WASHC4: variants seen among roughly 807,000 people sequenced by gnomAD.
WASHC4 encodes WASH complex subunit 7.
In WASHC4, 86 loss-of-function variants were observed where a neutral mutation model predicts 166.6. The ratio of observed to expected loss-of-function variants is 0.52; its 90% confidence interval spans 0.43 to 0.62. The LOEUF is 0.62. Among genes scored for constraint, WASHC4 ranks in the 20% least tolerant of loss-of-function variants. WASHC4 has a pLI of 0.00. For missense variants in WASHC4, 1,262 were observed against 1,382.4 expected, an observed-to-expected ratio of 0.91 and a Z score of 1.38; for synonymous variants, 446 against 451.6, an observed-to-expected ratio of 0.99 and a Z score of 0.16.
intron 13 of WASHC4, among the ~76,000 whole-genome samples, chr12:105,131,100 G>A (rs1212711503): frequency 2.0e-5 from 3 of 146,650 alleles, no homozygotes; most frequent in Admixed American, 6.8e-5. Context: ...TTTTTTTTGA[G>A]ACGGAGTCTC....
At chr12:105,129,165 C>T (rs1022384614) in intron 13 of WASHC4, among the ~76,000 whole-genome samples, 8 of 152,060 alleles carry the variant, frequency 5.3e-5, no homozygotes, top group Non-Finnish European at 7.4e-5. Flanking sequence ...AGGCTGGTCT[C>T]GAACTCCTGA....
At chr12:105,162,600 A>T in intron 29 of WASHC4, 149 bp from the exon 30 acceptor site, 1 of 579,702 alleles carries the variant, frequency 1.7e-6, no homozygotes, top group Non-Finnish European at 3.1e-6. Flanking sequence ...ACCTAAGGCA[A>T]ATGTTTCAGA....
intron 6 of WASHC4, among the ~76,000 whole-genome samples, chr12:105,116,825 A>G (rs1651996290): frequency 6.6e-6 from 1 of 152,206 alleles, no homozygotes; most frequent in Admixed American, 6.5e-5. Flanking sequence ...TGTAGTCCAA[A>G]GGAAACAGAT....
In WASHC4 at chr12:105,113,195, A is replaced by G. The variant is rs543820497; in HGVS notation, c.202-1021A>G. On this transcript the variant is annotated intron_variant, in intron 2 of 32. Transcript: ENST00000332180. ...TATCTCTGAGGGTAATAAGTTTCAT[A>G]TATCTGTCACTTGGCATTAAGTAAT... Among the ~76,000 whole-genome samples, 24 of 152,188 alleles carry G rather than the reference A, an allele frequency of 1.6e-4. No individual in the cohort carries two copies. In the South Asian group the frequency reaches 3.3e-3, roughly 21 times the overall value.
Position 105,165,368 on chromosome 12 carries a change from G to A in WASHC4, c.3454+628G>A, listed in dbSNP as rs148808304. Reference sequence around the variant, plus strand: ...CATTGTTCAGTGTTTCATATTTAATGTCCCCATGATATATTTCTCTCAGAT... The same window carrying A: ...CATTGTTCAGTGTTTCATATTTAATATCCCCATGATATATTTCTCTCAGAT... On this transcript the variant is annotated intron_variant, in intron 32 of 32. Coordinates refer to ENST00000332180, the MANE Select transcript of WASHC4 (RefSeq NM_015275.3). Among the ~76,000 whole-genome samples the A allele has an allele frequency of 1.3e-3, 196 of 152,256 alleles. 1 individual carries two copies. The highest frequency in any genetic ancestry group is 4.0e-3 in the African/African-American group (167 of 41,558).
rs1278694912 is a variant in WASHC4 at position 105,125,713 on chromosome 12, A to G, written c.787-291A>G. Among the ~76,000 whole-genome samples, 5 of 152,266 alleles carry G rather than the reference A, an allele frequency of 3.3e-5. No homozygotes were observed. The East Asian group carries it at 9.6e-4, about 29-fold the overall frequency. On this transcript the variant is annotated intron_variant, in intron 10 of 32. Coordinates refer to ENST00000332180, the MANE Select transcript of WASHC4 (RefSeq NM_015275.3). ...CAAAGTAAAATAAAAAATATGCTTT[A>G]TCTTTTATACATCTCTGAACATCGT... is the stretch of plus-strand genomic sequence containing the variant.
intron 24 of WASHC4, chr12:105,149,304 TAG>T (rs2135813556): frequency 1.0e-6 from 1 of 985,428 alleles, no homozygotes; most frequent in African/African-American, 1.7e-5. Context: ...GCTTAAAAAC[TAG>T]AGTCTTGAGT....
At chr12:105,126,410 G>A in intron 12 of WASHC4, 48 bp downstream of exon 12, 11 of 1,398,284 alleles carry the variant, frequency 7.9e-6, no homozygotes, top group Non-Finnish European at 1.1e-5. Flanking sequence ...TAAAAAGATT[G>A]CAGATAAAAC....
intron 31 of WASHC4, 21 bp downstream of exon 31, chr12:105,164,328 C>T (rs778142637): frequency 6.3e-7 from 1 of 1,598,184 alleles, no homozygotes; most frequent in South Asian, 1.1e-5. Context: ...GCCTAAGAGT[C>T]ACATCTGCTT....
At chr12:105,137,822 AATAG>A in intron 14 of WASHC4, 60 bp from the exon 15 acceptor site, 3 of 1,401,920 alleles carry the variant, frequency 2.1e-6, no homozygotes, top group Non-Finnish European at 2.0e-6. Flanking sequence ...GCTGCTGTTA[AATAG>A]ATAATGAAAT....
chr12:105,120,851 G>A (rs1314846280), intron 8 of WASHC4, among the ~76,000 whole-genome samples: 1 of 152,174 alleles, frequency 6.6e-6, no homozygotes, highest in Admixed American at 6.5e-5. Flanking sequence ...TCTTTGGACA[G>A]TGAAATAAAT....
chr12:105,127,350 A>G (rs945827718), intron 13 of WASHC4, 61 bp downstream of exon 13: 10 of 1,151,952 alleles, frequency 8.7e-6, no homozygotes, highest in Non-Finnish European at 1.3e-5. Flanking sequence ...CAAAGATTAT[A>G]CTAACACTTA....
chr12:105,128,789 T>G (rs1881524101), intron 13 of WASHC4, among the ~76,000 whole-genome samples: 1 of 152,038 alleles, frequency 6.6e-6, no homozygotes, highest in South Asian at 2.1e-4. Context: ...TTTTTTGATT[T>G]TTTTTTAGAG....
chr12:105,124,159 G>A (rs1360834465), intron 10 of WASHC4, among the ~76,000 whole-genome samples: 1 of 128,724 alleles, frequency 7.8e-6, no homozygotes, highest in Non-Finnish European at 1.6e-5. Flanking sequence ...CACTCTTGTT[G>A]CCCAGGCTGG....
At chr12:105,129,948 T>C (rs1881647456) in intron 13 of WASHC4, among the ~76,000 whole-genome samples, 1 of 152,206 alleles carries the variant, frequency 6.6e-6, no homozygotes. Flanking sequence ...ATGTAACAAT[T>C]AATGTTTATG....
At position 105,126,323 on chromosome 12, in the gene WASHC4, T is replaced by TA; in HGVS notation, c.1004dup (p.Phe336ValfsTer3). The TA allele has an allele frequency of 6.3e-7, 1 of 1,597,576 alleles. No individual in the cohort carries two copies. The highest frequency in any genetic ancestry group is 8.6e-7 in the Non-Finnish European group (1 of 1,166,008). ...ACTTTCAGATTTTTCGAACTATTGA[T>TA]AAAAAGTTTTATAAGTCTTTATTGG... On this transcript the variant is annotated frameshift_variant, in exon 12 of 33. Coordinates refer to ENST00000332180, the MANE Select transcript of WASHC4 (RefSeq NM_015275.3). LOFTEE classifies it high-confidence loss of function.
At chr12:105,160,229 A>G (rs1884411785) in intron 29 of WASHC4, 81 bp downstream of exon 29, 1 of 1,131,298 alleles carries the variant, frequency 8.8e-7, no homozygotes, top group Non-Finnish European at 1.3e-6. Context: ...TGTAACACGA[A>G]ATGCATACAG....
intron 22 of WASHC4, among the ~76,000 whole-genome samples, chr12:105,145,325 T>C (rs1018810468): frequency 2.0e-5 from 3 of 152,012 alleles, no homozygotes; most frequent in African/African-American, 7.2e-5. Context: ...ACATTTAGCT[T>C]TGCTAATTCA....
Position 105,126,353 on chromosome 12 carries a change from T to A in WASHC4, c.1029T>A (p.Ile343=), listed in dbSNP as rs1399671541. The part of the protein sequence containing the change: ...DKKFYKSLLD[I]CKKVPAITLT... ...AGTTTTATAAGTCTTTATTGGACAT[T>A]TGTAAGAAGGTAAGAACTTGAAACT... Residue 343 remains isoleucine (I), a synonymous_variant, in exon 12 of 33, where the codon ATT becomes ATA. Coordinates refer to ENST00000332180, the MANE Select transcript of WASHC4 (RefSeq NM_015275.3). 2 of 1,578,002 alleles carry A rather than the reference T, an allele frequency of 1.3e-6. No homozygotes were observed. Among genetic ancestry groups the A allele is most frequent in the Admixed American group, 3.3e-5 (2 of 59,856 alleles).
Sources: gnomAD v4.1 joint callset for allele counts (sites outside exome capture counted in the v4.1 genomes callset) on GRCh38, gnomAD v4.1.1 for gene constraint, MANE v1.5 for transcripts, NCBI Gene and HGNC (gene_info 2026-07-23, HGNC 2026-07-21) for gene names.